Variants in MYT1L observed in about 807,000 individuals in gnomAD.
MYT1L encodes the protein myelin transcription factor 1-like protein.
A neutral mutation model predicts 126.7 loss-of-function variants in MYT1L; 12 were observed. That is an observed-to-expected ratio of 0.09 (90% CI 0.06 to 0.15). The LOEUF (loss-of-function observed/expected upper bound fraction) is 0.15. Among genes scored for constraint, MYT1L ranks in the 10% least tolerant of loss-of-function variants. The pLI, the probability that MYT1L is intolerant of heterozygous loss-of-function variation, is 1.00. For synonymous variants in MYT1L, 541 were observed against 604.2 expected (o/e 0.90, Z 1.53); for missense variants, 979 against 1,585.2 (o/e 0.62, Z 6.49).
chr2:2,144,823 G>T (rs1249719358), intron 3 of MYT1L, among the ~76,000 whole-genome samples: 1 of 152,142 alleles, frequency 6.6e-6, no homozygotes, highest in African/African-American at 2.4e-5. Flanking sequence ...CTCTCATCAT[G>T]TAAAATCCCG....
intron 4 of MYT1L, among the ~76,000 whole-genome samples, chr2:2,026,563 G>T (rs1404068600): frequency 6.6e-6 from 1 of 152,254 alleles, no homozygotes; most frequent in Non-Finnish European, 1.5e-5. Flanking sequence ...CAGTGCGTTA[G>T]TAAGAAAGCG....
rs183315194 is a variant in MYT1L at position 1,967,816 on chromosome 2, C to A, written c.152+11349G>T. Reference sequence around the variant, plus strand: ...GGCCCCGAGCCCTGCCTGGGAACAGCGAGTGCTTCTGGGACGTTGCTGTTA... The same window carrying A: ...GGCCCCGAGCCCTGCCTGGGAACAGAGAGTGCTTCTGGGACGTTGCTGTTA... On this transcript the variant is annotated intron_variant, in intron 8 of 24. Transcript: ENST00000647738. Among the ~76,000 whole-genome samples the A allele has an allele frequency of 3.3e-5, 5 of 152,204 alleles. No homozygotes were observed. In the East Asian group the frequency reaches 5.8e-4, roughly 18 times the overall value.
At chr2:1,809,005 C>T (rs903122431) in intron 22 of MYT1L, 71 bp downstream of exon 22, 8 of 1,349,356 alleles carry the variant, frequency 5.9e-6, no homozygotes, top group African/African-American at 1.4e-5. Context: ...TCAAAGGACA[C>T]ACAGCTGGCA....
At chr2:2,295,619 G>GAGAT (rs1559584102) in intron 1 of MYT1L, among the ~76,000 whole-genome samples, 14 of 63,532 alleles carry the variant, frequency 2.2e-4, no homozygotes, top group East Asian at 1.5e-3. Context: ...CAGAGAGAGA[G>GAGAT]AGAGAGACAG....
chr2:2,007,482 T>G (rs2063444486), intron 4 of MYT1L, among the ~76,000 whole-genome samples: 1 of 152,204 alleles, frequency 6.6e-6, no homozygotes, highest in Non-Finnish European at 1.5e-5. Context: ...TTTGAGAGCT[T>G]CAATATTTAA....
chr2:2,316,934 C>T (rs145797001), intron 1 of MYT1L, among the ~76,000 whole-genome samples: 2,518 of 152,074 alleles, frequency 0.017, 44 homozygotes, highest in Middle Eastern at 0.058. Flanking sequence ...CCTCAGCCTC[C>T]CAAGTAGCTG....
chr2:1,944,772 C>T (rs1259504212), intron 8 of MYT1L, among the ~76,000 whole-genome samples: 4 of 152,180 alleles, frequency 2.6e-5, no homozygotes, highest in Non-Finnish European at 2.9e-5. Flanking sequence ...ATTTTAGAAC[C>T]TCTCACTCCT....
intron 8 of MYT1L, among the ~76,000 whole-genome samples, chr2:1,971,651 A>G (rs369574787): frequency 1.3e-4 from 20 of 152,286 alleles, no homozygotes; most frequent in African/African-American, 4.8e-4. Flanking sequence ...GAATTGCTTG[A>G]ACCTGGGAGG....
intron 4 of MYT1L, among the ~76,000 whole-genome samples, chr2:2,045,303 G>A (rs536566678): frequency 2.0e-5 from 3 of 152,324 alleles, no homozygotes; most frequent in African/African-American, 4.8e-5. Context: ...CTTCTTGCAG[G>A]CAGACTGCTG....
chr2:2,223,288 C>T (rs2093927022), intron 2 of MYT1L, among the ~76,000 whole-genome samples: 1 of 152,030 alleles, frequency 6.6e-6, no homozygotes. Flanking sequence ...TGAACAAGAC[C>T]AACTAGTTTG....
chr2:2,296,048 A>G (rs1441350407), intron 1 of MYT1L, among the ~76,000 whole-genome samples: 1 of 152,182 alleles, frequency 6.6e-6, no homozygotes, highest in East Asian at 1.9e-4. Context: ...GCGGAGTTAC[A>G]TTTTAAAAAC....
chr2:2,039,834 C>T (rs2067328034), intron 4 of MYT1L, among the ~76,000 whole-genome samples: 1 of 152,148 alleles, frequency 6.6e-6, no homozygotes, highest in South Asian at 2.1e-4. Flanking sequence ...GCCAGGAAGA[C>T]TCTTCCACGT....
chr2:1,937,966 G>A (rs754927890), intron 9 of MYT1L, among the ~76,000 whole-genome samples: 13 of 152,336 alleles, frequency 8.5e-5, no homozygotes, highest in South Asian at 8.3e-4. Flanking sequence ...ATTTAGCCCC[G>A]TGATCAAGTG....
intron 2 of MYT1L, among the ~76,000 whole-genome samples, chr2:2,216,574 T>A (rs2093682871): frequency 1.3e-5 from 2 of 152,168 alleles, no homozygotes; most frequent in African/African-American, 4.8e-5. Context: ...AAAGAACAAG[T>A]ATCAATGACT....
In MYT1L at chr2:2,220,708, T is replaced by C. The variant is rs543578023; in HGVS notation, c.-420-47720A>G. 2.2e-4 allele frequency among the ~76,000 whole-genome samples: 33 copies of C among 152,296 alleles called. 1 individual carries two copies. The South Asian group carries it at 4.4e-3, about 20-fold the overall frequency. On this transcript the variant is annotated intron_variant, in intron 2 of 24. Transcript: ENST00000647738. ...GGTAAAATATTTTGATTTTCTTCCT[T>C]GTCTCATCATGTTATGCCAGAGTCA...
chr2:2,069,830 G>GGTC (rs2074372210), intron 3 of MYT1L, among the ~76,000 whole-genome samples: 1 of 151,688 alleles, frequency 6.6e-6, no homozygotes, highest in Non-Finnish European at 1.5e-5. Flanking sequence ...CAGTGATGAT[G>GGTC]AGCTTTTTTT....
rs374043335 is a variant in MYT1L, at chr2:1,923,213, T to G, written c.556A>C (p.Lys186Gln). 1.2e-6 allele frequency: 2 copies of G among 1,611,626 alleles called. No individual in the cohort carries two copies. Among genetic ancestry groups the G allele is most frequent in the African/African-American group, 2.7e-5 (2 of 74,932 alleles). The change falls in exon 10 of 25, where the codon AAG becomes CAG. Residue 186 changes from lysine (K) to glutamine (Q), a missense_variant. By Grantham distance (53) the Lys-to-Gln change is moderately conservative (BLOSUM62 1). Around this residue, in one of 12 missense-constraint regions of MYT1L, gnomAD observed 243 missense variants for 363.9 expected, o/e 0.67. Transcript: ENST00000647738. Reference sequence around the variant, plus strand: ...TATTCGTCATTATTGTTATCATCCTTTTCTGTGTCTTGCATTATTCGAGTA... The same window carrying G: ...TATTCGTCATTATTGTTATCATCCTGTTCTGTGTCTTGCATTATTCGAGTA... ...HNTRIMQDTE[K>Q]DDNNNDEYDN...
intron 12 of MYT1L, among the ~76,000 whole-genome samples, chr2:1,911,463 G>T (rs1489980417): frequency 6.6e-6 from 1 of 152,172 alleles, no homozygotes; most frequent in African/African-American, 2.4e-5. Context: ...CAGGAAAAGA[G>T]AACTCAGATC....
chr2:1,829,524 T>C (rs867188793), intron 21 of MYT1L, among the ~76,000 whole-genome samples: 1 of 83,548 alleles, frequency 1.2e-5, no homozygotes. Context: ...GACCCTCCCA[T>C]ACACCTGTGA....
Sources: gnomAD v4.1 joint callset for allele counts (sites outside exome capture counted in the v4.1 genomes callset) on GRCh38, gnomAD v4.1.1 for gene constraint, gnomAD v4.1.1 regional missense constraint, MANE v1.5 for transcripts, NCBI Gene and HGNC (gene_info 2026-07-23, HGNC 2026-07-21) for gene names.